The following GRID2 variants were observed in gnomAD, a reference collection of about 807,000 sequenced individuals.
GRID2 encodes glutamate ionotropic receptor delta type subunit 2.
Under a neutral mutation model 114.8 loss-of-function variants are expected in GRID2, and 33 were observed. That is an observed-to-expected ratio of 0.29 (90% CI 0.22 to 0.38). The LOEUF (loss-of-function observed/expected upper bound fraction) is 0.38. Ranked by LOEUF, GRID2 falls within the 10% of genes least tolerant of loss-of-function variation. The probability of loss-of-function intolerance (pLI) is 1.00; values close to 1 mark genes in which losing one functional copy is unlikely to be tolerated. For synonymous variants in GRID2, 505 were observed against 449.9 expected, an observed-to-expected ratio of 1.12 and a Z score of -1.55; for missense variants, 1,184 against 1,257.7, an observed-to-expected ratio of 0.94 and a Z score of 0.89.
intron 2 of GRID2, among the ~76,000 whole-genome samples, chr4:92,693,298 A>G (rs1455405769): frequency 1.3e-5 from 2 of 152,150 alleles, no homozygotes; most frequent in Non-Finnish European, 2.9e-5. Flanking sequence ...TAAAATTTAT[A>G]AAATTTCTTA....
At chr4:92,879,991 A>G (rs144294377) in intron 2 of GRID2, among the ~76,000 whole-genome samples, 1 of 152,332 alleles carries the variant, frequency 6.6e-6, no homozygotes, top group African/African-American at 2.4e-5. Context: ...TTTACCAAAC[A>G]GAAAGTTCAA....
intron 2 of GRID2, among the ~76,000 whole-genome samples, chr4:92,684,652 C>T (rs1017605633): frequency 2.6e-5 from 4 of 151,874 alleles, no homozygotes; most frequent in Non-Finnish European, 5.9e-5. Context: ...AAATTATGAG[C>T]CAGGATTTAA....
At chr4:92,508,972 C>T (rs975859384) in intron 1 of GRID2, among the ~76,000 whole-genome samples, 14 of 151,710 alleles carry the variant, frequency 9.2e-5, no homozygotes, top group African/African-American at 2.9e-4. Flanking sequence ...GAGGCTTAGA[C>T]GGGAGGCACA....
chr4:92,826,438 T>C (rs1741706313), intron 2 of GRID2, among the ~76,000 whole-genome samples: 1 of 152,088 alleles, frequency 6.6e-6, no homozygotes, highest in African/African-American at 2.4e-5. Flanking sequence ...TATTTGTCCA[T>C]AGTACTTCTG....
chr4:92,776,853 G>T lies in GRID2; in HGVS notation c.244+186567G>T, dbSNP rs1405577837. ...ATTAATGAAGGTAGTATATCAGTAT[G>T]CCCCTGATAAGAACTAAAGAAATGC... On this transcript the variant is annotated intron_variant, in intron 2 of 15. Coordinates refer to ENST00000282020, the MANE Select transcript of GRID2 (RefSeq NM_001510.4). Among the ~76,000 whole-genome samples the T allele has an allele frequency of 3.3e-5, 5 of 151,892 alleles. No individual in the cohort carries two copies. The East Asian group carries it at 9.7e-4, about 29-fold the overall frequency.
At chr4:92,321,910 A>T (rs1262362500) in intron 1 of GRID2, among the ~76,000 whole-genome samples, 1 of 152,098 alleles carries the variant, frequency 6.6e-6, no homozygotes, top group Non-Finnish European at 1.5e-5. Context: ...TGGAATTTTC[A>T]AAGTCTCAAA....
At chr4:92,755,232 T>C (rs1042543216) in intron 2 of GRID2, among the ~76,000 whole-genome samples, 1 of 152,206 alleles carries the variant, frequency 6.6e-6, no homozygotes, top group Non-Finnish European at 1.5e-5. Flanking sequence ...TTCTGCCATT[T>C]TTGAGATATT....
intron 4 of GRID2, among the ~76,000 whole-genome samples, chr4:93,160,533 C>A (rs1737595143): frequency 6.6e-6 from 1 of 151,662 alleles, no homozygotes; most frequent in Non-Finnish European, 1.5e-5. Flanking sequence ...CTGTGTCCTC[C>A]AAGTCCCCCT....
chr4:93,250,358 T>A (rs143122630), intron 8 of GRID2, among the ~76,000 whole-genome samples: 96 of 151,808 alleles, frequency 6.3e-4, no homozygotes, highest in African/African-American at 2.1e-3. Flanking sequence ...GGTGGGGTGC[T>A]GTGTGGGGGA....
intron 2 of GRID2, among the ~76,000 whole-genome samples, chr4:92,775,022 C>G (rs1255676374): frequency 1.3e-5 from 2 of 152,072 alleles, no homozygotes; most frequent in African/African-American, 4.8e-5. Flanking sequence ...GGAGACTGGG[C>G]TTGGGAAGAT....
chr4:92,798,861 G>A (rs1164238680), intron 2 of GRID2, among the ~76,000 whole-genome samples: 1 of 151,940 alleles, frequency 6.6e-6, no homozygotes, highest in East Asian at 1.9e-4. Context: ...CTACTTGCAT[G>A]GCTACGAATT....
At chr4:92,599,240 T>G (rs1729090751) in intron 2 of GRID2, among the ~76,000 whole-genome samples, 1 of 152,058 alleles carries the variant, frequency 6.6e-6, no homozygotes, top group Non-Finnish European at 1.5e-5. Flanking sequence ...GAGGCCAAAT[T>G]AAAGCTTTCT....
At chr4:92,730,355 G>T (rs965628996) in intron 2 of GRID2, among the ~76,000 whole-genome samples, 1 of 151,602 alleles carries the variant, frequency 6.6e-6, no homozygotes, top group Non-Finnish European at 1.5e-5. Flanking sequence ...AAGTTGTTTT[G>T]ACACCCACCC....
chr4:92,930,043 C>T (rs1246722699), intron 2 of GRID2, among the ~76,000 whole-genome samples: 1 of 151,150 alleles, frequency 6.6e-6, no homozygotes, highest in South Asian at 2.1e-4. Flanking sequence ...GCCTTGCCCA[C>T]CACAGAAGAA....
Position 93,224,670 on chromosome 4 carries a change from G to A in GRID2, c.1020G>A (p.Lys340=). The change falls in exon 7 of 16, where the codon AAG becomes AAA. Residue 340 remains lysine (K), a synonymous_variant. Transcript: ENST00000282020. The stretch of plus-strand genomic sequence containing the variant: ...TTCTGCTTGCTAATGCTTTTCATAA[G>A]AAGCTGGAGGACCGAAAGTGGCACA... ...TVLLLANAFH[K]KLEDRKWHSM... 6.2e-7 allele frequency: 1 copy of A among 1,611,348 alleles called. No homozygotes were observed. Among genetic ancestry groups the A allele is most frequent in the Non-Finnish European group, 8.5e-7 (1 of 1,177,924 alleles).
intron 2 of GRID2, among the ~76,000 whole-genome samples, chr4:92,743,593 G>A (rs1009575829): frequency 5.9e-5 from 9 of 151,842 alleles, no homozygotes; most frequent in South Asian, 2.1e-4. Context: ...AAATTTTGGG[G>A]GCATGTTATA....
intron 1 of GRID2, among the ~76,000 whole-genome samples, chr4:92,495,353 A>G (rs970328898): frequency 7.9e-5 from 12 of 152,108 alleles, no homozygotes; most frequent in African/African-American, 2.9e-4. Flanking sequence ...AACATACACA[A>G]TAGCAACATA....
intron 2 of GRID2, among the ~76,000 whole-genome samples, chr4:92,645,403 G>T (rs1731558665): frequency 6.6e-6 from 1 of 151,716 alleles, no homozygotes; most frequent in Non-Finnish European, 1.5e-5. Flanking sequence ...ATGAAAGAAG[G>T]CCAAATTTAA....
intron 2 of GRID2, among the ~76,000 whole-genome samples, chr4:92,924,645 T>G (rs1365334508): frequency 6.6e-6 from 1 of 152,148 alleles, no homozygotes; most frequent in Non-Finnish European, 1.5e-5. Context: ...ATTTTTCTAG[T>G]TACATTCACT....
Sources: allele counts gnomAD v4.1 joint callset (sites outside exome capture counted in the v4.1 genomes callset), GRCh38; gene constraint gnomAD v4.1.1; transcripts MANE v1.5; gene names NCBI Gene and HGNC (gene_info 2026-07-23, HGNC 2026-07-21).